Variants in RASA3 observed in about 807,000 individuals in gnomAD.
RASA3 encodes the protein RAS p21 protein activator 3.
RASA3 carries 73 observed loss-of-function variants against 110.0 expected under a neutral mutation model. The observed-to-expected ratio is 0.66, with a 90% CI of 0.55 to 0.81. RASA3 has a LOEUF of 0.81. RASA3 is among the 30% of genes least tolerant of loss of function. The pLI, the probability that RASA3 is intolerant of heterozygous loss-of-function variation, is 0.00. For missense variants in RASA3, 976 were observed against 1,113.2 expected (o/e 0.88, Z 1.75); for synonymous variants, 500 against 451.4 (o/e 1.11, Z -1.37).
At position 113,996,529 on chromosome 13, in the gene RASA3, A is replaced by T; in HGVS notation, c.2141+2T>A. The T allele has an allele frequency of 6.2e-7, 1 of 1,611,430 alleles. No individual in the cohort carries two copies. The highest frequency in any genetic ancestry group is 8.5e-7 in the Non-Finnish European group (1 of 1,179,536). On this transcript the variant is annotated splice_donor_variant, in intron 21 of 23. Transcript: ENST00000334062. LOFTEE classifies it high-confidence loss of function. ...GAGCTGGGCACCGAGGCACAGACCT[A>T]CCCAGTGCAGGGCGAGCAGCCCGGA...
At chr13:114,106,972 C>T (rs1475804599) in intron 1 of RASA3, among the ~76,000 whole-genome samples, 3 of 152,248 alleles carry the variant, frequency 2.0e-5, no homozygotes, top group Admixed American at 6.5e-5. Flanking sequence ...AAAAAGTTAA[C>T]TCTTTTCCCT....
chr13:114,024,926 C>T (rs190097310), intron 7 of RASA3, among the ~76,000 whole-genome samples: 6 of 152,330 alleles, frequency 3.9e-5, no homozygotes, highest in East Asian at 1.9e-4. Flanking sequence ...AGAACAGAAA[C>T]GGAGTGAAGG....
At chr13:114,027,261 C>T (rs577085102) in intron 7 of RASA3, 128 bp downstream of exon 7, 17 of 831,660 alleles carry the variant, frequency 2.0e-5, no homozygotes, top group Admixed American at 5.5e-5. Context: ...GGCCGGCTGG[C>T]GGGGCTCGCT....
In RASA3 at chr13:113,990,039, G is replaced by A. The variant is rs116929277; in HGVS notation, c.2245+2446C>T. On this transcript the variant is annotated intron_variant, in intron 22 of 23. Coordinates refer to ENST00000334062, the MANE Select transcript of RASA3 (RefSeq NM_007368.4). ...TGTTCTCGTGATAGTGAGTTCTCACGAGGTCTGGTTGTTTGGACGTGTGTG... is the reference window on the plus strand; with the variant it reads ...TGTTCTCGTGATAGTGAGTTCTCACAAGGTCTGGTTGTTTGGACGTGTGTG... Among the ~76,000 whole-genome samples, 145 of 152,168 alleles carry A rather than the reference G, an allele frequency of 9.5e-4. 4 individuals are homozygous for A. In the East Asian group the frequency reaches 0.019, roughly 20 times the overall value.
intron 23 of RASA3, among the ~76,000 whole-genome samples, chr13:113,979,644 G>A (rs911309168): frequency 6.6e-6 from 1 of 152,206 alleles, no homozygotes. Context: ...GTGCACGTGT[G>A]CTCTCCCTGT....
At position 113,979,248 on chromosome 13, in the gene RASA3, CACTT is replaced by C; in HGVS notation, c.*95_*98del. 8.2e-7 allele frequency: 1 copy of C among 1,214,616 alleles called. No individual in the cohort carries two copies. The highest frequency in any genetic ancestry group is 1.2e-6 in the Non-Finnish European group (1 of 826,528). The allele number at this position is 1,214,616 out of a possible 1,614,324, so 75.2% of individuals were successfully genotyped here. On this transcript the variant is annotated 3_prime_UTR_variant, in exon 24 of 24. Coordinates refer to ENST00000334062, the MANE Select transcript of RASA3 (RefSeq NM_007368.4). ...CTATGGGCCGGGACGGCGTGCATCT[CACTT>C]TGCCGGCTCTGCGCTCTTCCTTCTC...
intron 20 of RASA3, among the ~76,000 whole-genome samples, chr13:113,997,407 G>A (rs1321117108): frequency 2.0e-5 from 3 of 152,142 alleles, no homozygotes; most frequent in Non-Finnish European, 4.4e-5. Flanking sequence ...GGTGTCAGCA[G>A]AAGCTGGAAG....
intron 17 of RASA3, 86 bp from the exon 18 acceptor site, chr13:114,007,692 A>G (rs974490514): frequency 1.8e-6 from 2 of 1,136,894 alleles, no homozygotes; most frequent in Admixed American, 1.7e-5. Flanking sequence ...GTCGGCGGCT[A>G]CTGCCTCCTT....
chr13:114,028,253 C>G (rs9562103), intron 5 of RASA3, among the ~76,000 whole-genome samples: 3,676 of 67,240 alleles, frequency 0.055, 18 homozygotes, highest in South Asian at 0.1. Context: ...GGGCCAGGAC[C>G]CCTAAAACAG....
At chr13:113,982,351 G>C (rs564340245) in intron 22 of RASA3, among the ~76,000 whole-genome samples, 14 of 152,348 alleles carry the variant, frequency 9.2e-5, no homozygotes, top group African/African-American at 3.4e-4. Context: ...GTCCAGCCAG[G>C]ACAGGCCTAG....
chr13:113,997,641 T>C (rs1296837258), intron 20 of RASA3, among the ~76,000 whole-genome samples: 1 of 151,952 alleles, frequency 6.6e-6, no homozygotes, highest in Admixed American at 6.6e-5. Context: ...TATCCTAGGA[T>C]TGGAGGTCAG....
chr13:114,009,576 C>T, intron 16 of RASA3, 112 bp from the exon 17 acceptor site: 1 of 745,768 alleles, frequency 1.3e-6, no homozygotes, highest in Non-Finnish European at 2.3e-6. Context: ...GATAAACAGG[C>T]AAAGAACCCG....
At chr13:114,036,942 A>G (rs1456408488) in intron 4 of RASA3, among the ~76,000 whole-genome samples, 5 of 152,202 alleles carry the variant, frequency 3.3e-5, no homozygotes, top group African/African-American at 9.6e-5. Flanking sequence ...GAAGCAACGC[A>G]TTGGAGAGCA....
intron 22 of RASA3, among the ~76,000 whole-genome samples, chr13:113,990,822 C>T (rs2053091954): frequency 6.6e-6 from 1 of 152,234 alleles, no homozygotes; most frequent in African/African-American, 2.4e-5. Context: ...CACACATGTA[C>T]CTGTATGTTC....
chr13:114,043,576 G>A (rs531959996), intron 3 of RASA3, among the ~76,000 whole-genome samples: 1 of 152,188 alleles, frequency 6.6e-6, no homozygotes, highest in Non-Finnish European at 1.5e-5. Context: ...CTCAGCTCTT[G>A]CCACACAGAC....
chr13:114,130,619 C>T (rs1312390432), intron 1 of RASA3, among the ~76,000 whole-genome samples: 1 of 152,188 alleles, frequency 6.6e-6, no homozygotes, highest in Non-Finnish European at 1.5e-5. Flanking sequence ...AGTATCTGGT[C>T]TGAGACTCTG....
At chr13:114,016,292 G>A (rs756095717) in intron 12 of RASA3, 21 bp from the exon 13 acceptor site, 2 of 1,545,988 alleles carry the variant, frequency 1.3e-6, no homozygotes, top group South Asian at 1.1e-5. Context: ...GTTTAAGACA[G>A]GGCTCTGTGA....
At position 114,065,228 on chromosome 13, in the gene RASA3, G is replaced by A. The variant is rs1453452220; in HGVS notation, c.173+8492C>T. The stretch of plus-strand genomic sequence containing the variant: ...CCCTGAGTCACTTCCCAGCATCTGC[G>A]CAAGGCTGGCGCTGCCCCATCCCGC... On this transcript the variant is annotated intron_variant, in intron 2 of 23. Coordinates refer to ENST00000334062, the MANE Select transcript of RASA3 (RefSeq NM_007368.4). The surrounding 1 kb of genome is among the most constrained non-coding windows in gnomAD (Gnocchi z 4.1). Among the ~76,000 whole-genome samples, 3 of 152,212 alleles carry A rather than the reference G, an allele frequency of 2.0e-5. No individual in the cohort carries two copies. Among genetic ancestry groups the A allele is most frequent in the East Asian group, 1.9e-4 (1 of 5,192 alleles).
intron 2 of RASA3, among the ~76,000 whole-genome samples, chr13:114,073,313 A>T (rs2079608013): frequency 7.4e-6 from 1 of 134,390 alleles, no homozygotes; most frequent in South Asian, 2.5e-4. Context: ...AAAATTCCCT[A>T]CACATGGGAA....
Sources: allele counts gnomAD v4.1 joint callset (sites outside exome capture counted in the v4.1 genomes callset), GRCh38; gene constraint gnomAD v4.1.1; non-coding constraint Gnocchi (gnomAD v3.1); transcripts MANE v1.5; gene names NCBI Gene and HGNC (gene_info 2026-07-23, HGNC 2026-07-21).